The following ADCY10 variants were observed in gnomAD, a reference collection of about 807,000 sequenced individuals.
The protein encoded by ADCY10 is adenylate cyclase 10.
ADCY10 carries 156 observed loss-of-function variants against 183.3 expected under a neutral mutation model. The ratio of observed to expected loss-of-function variants is 0.85; its 90% CI spans 0.75 to 0.97. The LOEUF (loss-of-function observed/expected upper bound fraction) is 0.97, where lower values mean the gene tolerates loss of function less well. Among genes scored for constraint, ADCY10 ranks in the 50% least tolerant of loss-of-function variants. The pLI is 0.00. For synonymous variants in ADCY10, 645 were observed against 670.0 expected (o/e 0.96, Z 0.58); for missense variants, 1,745 against 1,934.3 (o/e 0.90, Z 1.84).
chr1:167,873,671 T>C (rs2102182570), intron 13 of ADCY10, among the ~76,000 whole-genome samples: 1 of 152,282 alleles, frequency 6.6e-6, no homozygotes, highest in African/African-American at 2.4e-5. Context: ...ATAAGGTCCC[T>C]ATCACCAGGA....
chr1:167,861,121 T>C, intron 14 of ADCY10, 58 bp from the exon 15 acceptor site: 4 of 1,425,946 alleles, frequency 2.8e-6, no homozygotes, highest in Non-Finnish European at 3.9e-6. Context: ...TTTTTGAAAA[T>C]AATAGAGGTT....
In ADCY10 at chr1:167,809,554, C is replaced by T; in HGVS notation, c.*124G>A. 1 of 1,061,586 alleles carries T rather than the reference C, an allele frequency of 9.4e-7. No individual in the cohort carries two copies. The highest frequency in any genetic ancestry group is 1.4e-6 in the Non-Finnish European group (1 of 696,762). The allele number at this position is 1,061,586 out of a possible 1,614,324, so 65.8% of individuals were successfully genotyped here. ...CCAGAAAGAGAAGAAATCAACATGT[C>T]TGTTTCTGTGTCTGGAACAGAAGAG... On this transcript the variant is annotated 3_prime_UTR_variant, in exon 33 of 33. Transcript: ENST00000367851.
At chr1:167,814,183 ATGGAT>A (rs908615630) in intron 31 of ADCY10, among the ~76,000 whole-genome samples, 1 of 152,160 alleles carries the variant, frequency 6.6e-6, no homozygotes, top group Non-Finnish European at 1.5e-5. Context: ...AGTTGGCAGA[ATGGAT>A]TTTTTAAAAA....
intron 25 of ADCY10, among the ~76,000 whole-genome samples, chr1:167,832,173 C>T (rs1244716854): frequency 2.0e-5 from 3 of 152,166 alleles, no homozygotes; most frequent in African/African-American, 7.2e-5. Flanking sequence ...CTACAGAGCT[C>T]CCCCAAGATG....
At chr1:167,894,650 G>A (rs1668831823) in intron 7 of ADCY10, among the ~76,000 whole-genome samples, 1 of 151,904 alleles carries the variant, frequency 6.6e-6, no homozygotes, top group Non-Finnish European at 1.5e-5. Context: ...TAATTTGGCT[G>A]GTCCTGATTT....
chr1:167,828,087 G>T (rs1372249022), intron 26 of ADCY10, among the ~76,000 whole-genome samples: 2 of 152,156 alleles, frequency 1.3e-5, no homozygotes, highest in African/African-American at 4.8e-5. Flanking sequence ...ACTTAGTGGG[G>T]ATCCTATCTA....
Position 167,880,151 on chromosome 1 carries a change from C to T in ADCY10, c.1180G>A (p.Gly394Arg). 1 of 1,613,468 alleles carries T rather than the reference C, an allele frequency of 6.2e-7. No individual in the cohort carries two copies. The highest frequency in any genetic ancestry group is 8.5e-7 in the Non-Finnish European group (1 of 1,179,832). The change falls in exon 11 of 33, where the codon GGG (glycine) becomes AGG (arginine). Residue 394 changes from glycine (G) to arginine (R), a missense_variant. Gly to Arg is a moderately radical substitution (Grantham distance 125). Transcript: ENST00000367851. Reference protein sequence around the residue: ...IGVASGIVFCGIVGHTVRHEY... With the variant: ...IGVASGIVFCRIVGHTVRHEY... Reference sequence around the variant, plus strand: ...TGTCTCACAGTGTGTCCAACGATCCCACAGAAGACAATCCCACTGGCAACA... The same window carrying T: ...TGTCTCACAGTGTGTCCAACGATCCTACAGAAGACAATCCCACTGGCAACA...
rs142695588 is a variant in ADCY10 at position 167,845,978 on chromosome 1, T to C, written c.2716+7A>G. On this transcript the variant is annotated splice_region_variant and intron_variant, in intron 20 of 32. Coordinates refer to ENST00000367851, the MANE Select transcript of ADCY10 (RefSeq NM_018417.6). ...GAGGAAATTGGGTCACTCCAGGTGCTACTCACCCATCCCTTCACTGGGCTT... is the reference window on the plus strand; with the variant it reads ...GAGGAAATTGGGTCACTCCAGGTGCCACTCACCCATCCCTTCACTGGGCTT... 10 of 1,614,232 alleles carry C rather than the reference T, an allele frequency of 6.2e-6. No individual in the cohort carries two copies. The African/African-American group carries it at 1.2e-4, about 19-fold the overall frequency.
At chr1:167,874,302 G>A (rs1263259856) in intron 13 of ADCY10, among the ~76,000 whole-genome samples, 2 of 152,160 alleles carry the variant, frequency 1.3e-5, no homozygotes, top group Non-Finnish European at 2.9e-5. Flanking sequence ...TTGTACTCCA[G>A]CCTGGGCAAC....
intron 16 of ADCY10, among the ~76,000 whole-genome samples, chr1:167,857,541 C>T (rs751446109): frequency 2.6e-5 from 4 of 152,060 alleles, no homozygotes; most frequent in Non-Finnish European, 5.9e-5. Flanking sequence ...AAAGCAGGAA[C>T]AAAAAATCAT....
intron 26 of ADCY10, 41 bp downstream of exon 26, chr1:167,829,226 A>C: frequency 6.2e-7 from 1 of 1,612,240 alleles, no homozygotes; most frequent in Non-Finnish European, 8.5e-7. Context: ...TTCCCAAATG[A>C]AATTCAGAAA....
intron 7 of ADCY10, among the ~76,000 whole-genome samples, chr1:167,894,901 C>T (rs1194867001): frequency 6.6e-6 from 1 of 152,074 alleles, no homozygotes; most frequent in Non-Finnish European, 1.5e-5. Flanking sequence ...AATTGCACTG[C>T]AGGCCGAGCA....
In ADCY10 at chr1:167,833,052, G is replaced by T; in HGVS notation, c.3528C>A (p.Ile1176=). ...GAAAGTGTCTGTTTTTCTCGACATG[G>T]ATATGGAGAAACAAGGAGATTAAGT... ...PYNLISLFLH[I]HVEKNRHFHY... The change falls in exon 25 of 33, where the codon ATC becomes ATA. Residue 1176 remains isoleucine (I), a synonymous_variant. Coordinates refer to ENST00000367851, the MANE Select transcript of ADCY10 (RefSeq NM_018417.6). The T allele has an allele frequency of 6.2e-7, 1 of 1,614,154 alleles. No individual in the cohort carries two copies.
Position 167,845,549 on chromosome 1 carries a change from A to T in ADCY10, c.3007+14T>A. 1 of 1,613,662 alleles carries T rather than the reference A, an allele frequency of 6.2e-7. No individual in the cohort carries two copies. The highest frequency in any genetic ancestry group is 8.5e-7 in the Non-Finnish European group (1 of 1,179,562). On this transcript the variant is annotated intron_variant, in intron 21 of 32. Transcript: ENST00000367851. Reference sequence around the variant, plus strand: ...CAAGAACAGTTAGGATAATTTTAAAATGAAGTAGGTTACTTTTAAATCCAT... The same window carrying T: ...CAAGAACAGTTAGGATAATTTTAAATTGAAGTAGGTTACTTTTAAATCCAT...
In ADCY10 at chr1:167,901,742, A is replaced by T; in HGVS notation, c.356T>A (p.Val119Glu). The T allele has an allele frequency of 6.2e-7, 1 of 1,614,130 alleles. No homozygotes were observed. Among genetic ancestry groups the T allele is most frequent in the East Asian group, 2.2e-5 (1 of 44,884 alleles). The change falls in exon 5 of 33, where the codon GTA becomes GAA. Residue 119 changes from valine (V) to glutamate (E), a missense_variant. Transcript: ENST00000367851. ...RKQLKNIITV[V>E]IKCSLEIHGL... ...ATGGATCTCCAGGCTACATTTAATT[A>T]CCACTGTGATAATGTTTTTCAGCTG...
At chr1:167,879,631 A>T (rs1382020301) in intron 11 of ADCY10, among the ~76,000 whole-genome samples, 1 of 152,168 alleles carries the variant, frequency 6.6e-6, no homozygotes, top group Non-Finnish European at 1.5e-5. Flanking sequence ...TTTTACATAT[A>T]TTCAGTATTT....
intron 8 of ADCY10, among the ~76,000 whole-genome samples, chr1:167,884,475 C>T (rs1176866975): frequency 6.6e-6 from 1 of 152,172 alleles, no homozygotes; most frequent in Non-Finnish European, 1.5e-5. Context: ...TATAATTCAA[C>T]ATGAGATTTG....
chr1:167,852,778 T>TAA (rs202205672), intron 18 of ADCY10, among the ~76,000 whole-genome samples: 3 of 144,814 alleles, frequency 2.1e-5, no homozygotes, highest in East Asian at 2.0e-4. Context: ...TCTTGTTCCT[T>TAA]AAAAAAAAAA....
intron 1 of ADCY10, 67 bp downstream of exon 1, chr1:167,913,909 C>T (rs1455897105): frequency 6.6e-6 from 1 of 152,336 alleles, no homozygotes; most frequent in African/African-American, 2.4e-5. Flanking sequence ...TGTCTTCTTT[C>T]CTGACGGTCG....
Sources: allele counts gnomAD v4.1 joint callset (sites outside exome capture counted in the v4.1 genomes callset), GRCh38; gene constraint gnomAD v4.1.1; transcripts MANE v1.5; gene names NCBI Gene and HGNC (gene_info 2026-07-23, HGNC 2026-07-21).